Variants in DBX2 observed in about 807,000 individuals in gnomAD.
The protein encoded by DBX2 is developing brain homeobox 2.
DBX2 carries 16 observed loss-of-function variants against 17.7 expected under a neutral mutation model. That is an observed-to-expected ratio of 0.90 (90% CI 0.61 to 1.37). The LOEUF (loss-of-function observed/expected upper bound fraction) is 1.37. Ranked by LOEUF, DBX2 falls within the 40% of genes most tolerant of loss-of-function variation. DBX2 has a pLI of 0.00. For missense variants in DBX2, 538 were observed against 433.8 expected, an observed-to-expected ratio of 1.24 and a Z score of -2.13; for synonymous variants, 255 against 183.8, an observed-to-expected ratio of 1.39 and a Z score of -3.13.
rs1028624822 is a variant in DBX2 at position 45,030,889 on chromosome 12, T to C, written c.499+5130A>G. 7.9e-5 allele frequency among the ~76,000 whole-genome samples: 12 copies of C among 152,192 alleles called. No homozygotes were observed. The East Asian group carries it at 9.6e-4, about 12-fold the overall frequency. ...GAAACAGAATTCTTTCATCCTTTTA[T>C]ATAGATTCAATAGCTTCTCAGAACT... On this transcript the variant is annotated intron_variant, in intron 2 of 3. Transcript: ENST00000332700.
At position 45,016,154 on chromosome 12, in the gene DBX2, TA is replaced by T; in HGVS notation, c.*131del. The T allele has an allele frequency of 1.0e-6, 1 of 971,168 alleles. No homozygotes were observed. Among genetic ancestry groups the T allele is most frequent in the Non-Finnish European group, 1.4e-6 (1 of 692,456 alleles). 60.2% of individuals were successfully genotyped at this position (971,168 alleles called of 1,614,324 possible). A position where few individuals can be genotyped will look rare whatever the true frequency, so the allele number is the denominator to read the frequency against. ...CAAGAGAACACTAGAGTGGGTTTCC[TA>T]AAGCATTAGTTCATACATCGCTCCA... On this transcript the variant is annotated 3_prime_UTR_variant, in exon 4 of 4. Coordinates refer to ENST00000332700, the MANE Select transcript of DBX2 (RefSeq NM_001004329.3).
In DBX2 at chr12:45,029,879, A is replaced by AAAATAAATAAATAAAT. The variant is rs146831156; in HGVS notation, c.500-6001_500-5986dup. On this transcript the variant is annotated intron_variant, in intron 2 of 3. Transcript: ENST00000332700. The stretch of plus-strand genomic sequence containing the variant: ...ACTCCATCTTAAAAAAAAAATAATA[A>AAAATAAATAAATAAAT]AAATAAATAAATAAATAAATAAATA... Among the ~76,000 whole-genome samples the AAAATAAATAAATAAAT allele has an allele frequency of 5.4e-3, 774 of 143,226 alleles. 4 individuals carry two copies. The highest frequency in any genetic ancestry group is 0.011 in the African/African-American group (413 of 38,824). 94.0% of individuals were successfully genotyped at this position (143,226 alleles called of 152,430 possible). A position where few individuals can be genotyped will look rare whatever the true frequency, so the allele number is the denominator to read the frequency against.
chr12:45,033,640 A>G (rs1475433035), intron 2 of DBX2, among the ~76,000 whole-genome samples: 1 of 152,206 alleles, frequency 6.6e-6, no homozygotes, highest in Non-Finnish European at 1.5e-5. Context: ...AAATAAGAAT[A>G]TATGAAATTC....
chr12:45,037,625 A>G (rs1946447692), intron 1 of DBX2, among the ~76,000 whole-genome samples: 1 of 152,142 alleles, frequency 6.6e-6, no homozygotes, highest in Non-Finnish European at 1.5e-5. Context: ...TTGTTTCCAT[A>G]TGACTACATA....
At chr12:45,031,191 AGTGTGT>A (rs113442613) in intron 2 of DBX2, among the ~76,000 whole-genome samples, 4 of 99,326 alleles carry the variant, frequency 4.0e-5, no homozygotes, top group Non-Finnish European at 6.2e-5. Flanking sequence ...CTTATTTTCA[AGTGTGT>A]GTGTGTGTGT....
intron 2 of DBX2, among the ~76,000 whole-genome samples, chr12:45,034,580 C>G (rs1946425336): frequency 6.6e-6 from 1 of 152,008 alleles, no homozygotes; most frequent in Admixed American, 6.5e-5. Flanking sequence ...TGTATCAGTC[C>G]CGGTTAATAA....
At chr12:45,026,867 A>G (rs564252430) in intron 2 of DBX2, among the ~76,000 whole-genome samples, 1 of 152,274 alleles carries the variant, frequency 6.6e-6, no homozygotes, top group East Asian at 1.9e-4. Flanking sequence ...CCTTCCATTC[A>G]TCTTCACATA....
At chr12:45,041,923 G>A (rs1198630089) in intron 1 of DBX2, among the ~76,000 whole-genome samples, 1 of 152,128 alleles carries the variant, frequency 6.6e-6, no homozygotes, top group African/African-American at 2.4e-5. Flanking sequence ...TTTGTTCAGT[G>A]AAACCTGACA....
intron 3 of DBX2, among the ~76,000 whole-genome samples, chr12:45,019,713 CA>C (rs1479909769): frequency 2.6e-5 from 4 of 151,720 alleles, no homozygotes; most frequent in African/African-American, 7.3e-5. Context: ...TTATGAAAGA[CA>C]AAAAAGAATG....
At position 45,050,511 on chromosome 12, in the gene DBX2, G is replaced by C; in HGVS notation, c.403+14C>G. On this transcript the variant is annotated intron_variant, in intron 1 of 3. Coordinates refer to ENST00000332700, the MANE Select transcript of DBX2 (RefSeq NM_001004329.3). ...CGCGGGCGCGGCTGGGGAGGGAGGGGAGAGCTGGCTCACCTGGCGCTGAAG... is the reference window on the plus strand; with the variant it reads ...CGCGGGCGCGGCTGGGGAGGGAGGGCAGAGCTGGCTCACCTGGCGCTGAAG... 2 of 1,548,198 alleles carry C rather than the reference G, an allele frequency of 1.3e-6. No individual in the cohort carries two copies. Among genetic ancestry groups the C allele is most frequent in the South Asian group, 2.4e-5 (2 of 83,988 alleles).
At chr12:45,027,908 A>G (rs1003855625) in intron 2 of DBX2, among the ~76,000 whole-genome samples, 1 of 152,240 alleles carries the variant, frequency 6.6e-6, no homozygotes, top group African/African-American at 2.4e-5. Flanking sequence ...GAAAAAGTCC[A>G]AGAATAATAC....
At chr12:45,049,624 G>T (rs1946518184) in intron 1 of DBX2, among the ~76,000 whole-genome samples, 1 of 147,106 alleles carries the variant, frequency 6.8e-6, no homozygotes, top group Non-Finnish European at 1.5e-5. Context: ...AACCCATCGG[G>T]ATTAAAAGAA....
At chr12:45,036,148 A>G (rs1239229623) in intron 1 of DBX2, 34 bp from the exon 2 acceptor site, 1 of 1,554,502 alleles carries the variant, frequency 6.4e-7, no homozygotes, top group Admixed American at 2.0e-5. Flanking sequence ...TTGATTAGCC[A>G]TTTCTTTAAG....
chr12:45,031,206 G>GTGTGTGTT (rs1332792038), intron 2 of DBX2, among the ~76,000 whole-genome samples: 10 of 81,072 alleles, frequency 1.2e-4, no homozygotes, highest in African/African-American at 4.6e-4. Flanking sequence ...GTGTGTGTGT[G>GTGTGTGTT]TGTGTGTGTG....
chr12:45,044,336 A>G (rs142793545), intron 1 of DBX2, among the ~76,000 whole-genome samples: 2 of 152,146 alleles, frequency 1.3e-5, no homozygotes, highest in African/African-American at 2.4e-5. Flanking sequence ...CACGGTTTTT[A>G]TTCCTTTTTT....
intron 3 of DBX2, among the ~76,000 whole-genome samples, chr12:45,022,631 T>C (rs1247629256): frequency 1.3e-5 from 2 of 152,100 alleles, no homozygotes; most frequent in Non-Finnish European, 2.9e-5. Context: ...AGGTCCAAAA[T>C]TAACCACCAG....
At chr12:45,018,262 T>C (rs1946333714) in intron 3 of DBX2, among the ~76,000 whole-genome samples, 1 of 152,218 alleles carries the variant, frequency 6.6e-6, no homozygotes, top group African/African-American at 2.4e-5. Context: ...TTCTTGCCTT[T>C]GTCATCACAT....
At chr12:45,041,544 T>C (rs1185373287) in intron 1 of DBX2, among the ~76,000 whole-genome samples, 3 of 152,208 alleles carry the variant, frequency 2.0e-5, no homozygotes, top group South Asian at 2.1e-4. Flanking sequence ...TCACCACGCA[T>C]AGCAAGTTAG....
Position 45,050,826 on chromosome 12 carries a change from C to T in DBX2, c.102G>A (p.Leu34=), listed in dbSNP as rs771261147. The change falls in exon 1 of 4, where the codon CTG becomes CTA. Residue 34 remains leucine (L), a synonymous_variant. Transcript: ENST00000332700. ...AATTCTCGATCAGGAAACTCTTGCC[C>T]AGGTTGCCAAAGCCGGGCGCAGCGG... ...NLPAAPGFGN[L]GKSFLIENLL... is the part of the protein sequence containing the mutation. 8.4e-6 allele frequency: 13 copies of T among 1,540,174 alleles called. No homozygotes were observed. The highest frequency in any genetic ancestry group is 1.7e-4 in the Middle Eastern group (1 of 5,878).
Sources: gnomAD v4.1 joint callset for allele counts (sites outside exome capture counted in the v4.1 genomes callset) on GRCh38, gnomAD v4.1.1 for gene constraint, MANE v1.5 for transcripts, NCBI Gene and HGNC (gene_info 2026-07-23, HGNC 2026-07-21) for gene names.